WASL: variants seen among roughly 807,000 people sequenced by gnomAD.
WASL encodes the protein WASP like actin nucleation promoting factor.
A neutral mutation model predicts 55.5 loss-of-function variants in WASL; 20 were observed. The observed-to-expected ratio is 0.36, with a 90% CI of 0.25 to 0.52. The LOEUF is 0.52. Among genes scored for constraint, WASL ranks in the 20% least tolerant of loss-of-function variants. WASL has a pLI of 0.92. For synonymous variants in WASL, 249 were observed against 217.6 expected (o/e 1.14, Z -1.27); for missense variants, 504 against 622.5 (o/e 0.81, Z 2.03).
At chr7:123,732,444 T>G (rs1364438166) in intron 1 of WASL, among the ~76,000 whole-genome samples, 1 of 152,164 alleles carries the variant, frequency 6.6e-6, no homozygotes, top group Non-Finnish European at 1.5e-5. Flanking sequence ...CCTACAAATT[T>G]TAGTAATCTA....
chr7:123,737,341 T>C (rs1018916990), intron 1 of WASL, among the ~76,000 whole-genome samples: 3 of 152,068 alleles, frequency 2.0e-5, no homozygotes, highest in Non-Finnish European at 4.4e-5. Flanking sequence ...CTCACGCCTG[T>C]AATCCCAGCA....
intron 10 of WASL, among the ~76,000 whole-genome samples, chr7:123,685,990 G>C (rs10215466): frequency 6.7e-6 from 1 of 149,552 alleles, no homozygotes; most frequent in South Asian, 2.1e-4. Context: ...AGTAAGACTA[G>C]GTGACATACG....
intron 1 of WASL, among the ~76,000 whole-genome samples, chr7:123,734,442 A>G (rs890137722): frequency 1.3e-5 from 2 of 152,146 alleles, no homozygotes. Flanking sequence ...TAGCAAAACT[A>G]TTAAAATAAC....
chr7:123,687,143 C>T (rs527359025), intron 10 of WASL, among the ~76,000 whole-genome samples: 8 of 152,130 alleles, frequency 5.3e-5, no homozygotes, highest in African/African-American at 1.7e-4. Flanking sequence ...TTTCTTCAAC[C>T]TTCACTTTCA....
At chr7:123,687,407 C>T (rs1803310690) in intron 10 of WASL, among the ~76,000 whole-genome samples, 1 of 152,162 alleles carries the variant, frequency 6.6e-6, no homozygotes, top group Admixed American at 6.5e-5. Context: ...CTTTCCCTCC[C>T]TCCCTTGCAA....
chr7:123,686,754 G>C (rs951097917), intron 10 of WASL, among the ~76,000 whole-genome samples: 1 of 152,064 alleles, frequency 6.6e-6, no homozygotes, highest in Non-Finnish European at 1.5e-5. Flanking sequence ...GAGATTTTTA[G>C]ATCTCATTCC....
chr7:123,695,702 TA>T, intron 7 of WASL, 120 bp downstream of exon 7: 1 of 935,660 alleles, frequency 1.1e-6, no homozygotes, highest in Non-Finnish European at 1.6e-6. Context: ...TATACATACA[TA>T]AAACACAAGC....
chr7:123,694,891 A>C (rs1201345213), intron 7 of WASL, 23 bp from the exon 8 acceptor site: 1 of 1,587,394 alleles, frequency 6.3e-7, no homozygotes, highest in Non-Finnish European at 8.5e-7. Flanking sequence ...GTAACTGCTA[A>C]CTATAAAAAT....
Position 123,737,596 on chromosome 7 carries a change from C to CAA in WASL, c.117+11020_117+11021dup, listed in dbSNP as rs34669724. The stretch of plus-strand genomic sequence containing the variant: ...GGTGACAGAGCAAGACTCCGTCTCC[C>CAA]AAAAAAAAAAAAAAAAAAAGCATTT... On this transcript the variant is annotated intron_variant, in intron 1 of 10. Coordinates refer to ENST00000223023, the MANE Select transcript of WASL (RefSeq NM_003941.4). 2.4e-3 allele frequency among the ~76,000 whole-genome samples: 171 copies of CAA among 72,754 alleles called. 7 individuals are homozygous for CAA. The highest frequency in any genetic ancestry group is 8.2e-3 in the African/African-American group (152 of 18,502). The allele number at this position is 72,754 out of a possible 152,430, so 47.7% of individuals were successfully genotyped here.
intron 8 of WASL, among the ~76,000 whole-genome samples, chr7:123,693,632 C>T (rs1803448154): frequency 6.6e-6 from 1 of 152,144 alleles, no homozygotes; most frequent in African/African-American, 2.4e-5. Flanking sequence ...ATGATATTAG[C>T]ATTCTTATTC....
At chr7:123,746,526 T>C (rs889776658) in intron 1 of WASL, among the ~76,000 whole-genome samples, 2 of 152,222 alleles carry the variant, frequency 1.3e-5, no homozygotes, top group Non-Finnish European at 2.9e-5. Context: ...AATTAAAATA[T>C]CACTCTTACT....
At chr7:123,713,434 C>G (rs1405462681) in intron 1 of WASL, among the ~76,000 whole-genome samples, 1 of 152,052 alleles carries the variant, frequency 6.6e-6, no homozygotes, top group African/African-American at 2.4e-5. Context: ...ATTACAGATG[C>G]GAGCCACTGT....
At position 123,694,724 on chromosome 7, in the gene WASL, G is replaced by A. The variant is rs1410958376; in HGVS notation, c.817C>T (p.Arg273Trp). 5 of 1,612,088 alleles carry A rather than the reference G, an allele frequency of 3.1e-6. No homozygotes were observed. The highest frequency in any genetic ancestry group is 4.2e-6 in the Non-Finnish European group (5 of 1,179,230). ...TAGAGATAAAAGTTACCTTGCCTCC[G>A]CAGTTCATTTTTAACAGCTTCAACA... ...GGVEAVKNEL[R>W]RQAPPPPPPS... The change falls in exon 8 of 11, where the codon CGG (arginine) becomes TGG (tryptophan). Residue 273 changes from arginine to tryptophan, a missense_variant. Transcript: ENST00000223023.
At chr7:123,719,376 T>A (rs1490172679) in intron 1 of WASL, among the ~76,000 whole-genome samples, 1 of 152,150 alleles carries the variant, frequency 6.6e-6, no homozygotes, top group Non-Finnish European at 1.5e-5. Flanking sequence ...CCTCTCTGAC[T>A]CTCCTTTCAC....
chr7:123,702,779 CTA>C (rs2116782573), intron 5 of WASL, among the ~76,000 whole-genome samples: 1 of 152,286 alleles, frequency 6.6e-6, no homozygotes, highest in Non-Finnish European at 1.5e-5. Context: ...CATGCAAATA[CTA>C]TGTTGTTTGT....
At position 123,692,777 on chromosome 7, in the gene WASL, C is replaced by A; in HGVS notation, c.917G>T (p.Gly306Val). 6.8e-7 allele frequency: 1 copy of A among 1,472,724 alleles called. No individual in the cohort carries two copies. Among genetic ancestry groups the A allele is most frequent in the Non-Finnish European group, 9.0e-7 (1 of 1,112,308 alleles). The allele number at this position is 1,472,724 out of a possible 1,614,324, so 91.2% of individuals were successfully genotyped here. A position where few individuals can be genotyped will look rare whatever the true frequency, so the allele number is the denominator to read the frequency against. Residue 306 changes from glycine to valine, a missense_variant, in exon 9 of 11, where the codon GGA becomes GTA. Physicochemically the swap from Gly to Val is moderately radical, Grantham distance 109 (BLOSUM62 -3). Around this residue, in one of 5 missense-constraint regions of WASL, gnomAD observed 201 missense variants for 206.2 expected, o/e 0.97. Transcript: ENST00000223023. The part of the protein sequence containing the change: ...NSGPPPPPAR[G>V]RGAPPPPPSR... Reference sequence around the variant, plus strand: ...AGGTGGTGGGGGAGGAGCGCCTCTTCCCCTAGCAGGAGGAGGAGGAGGACC... The same window carrying A: ...AGGTGGTGGGGGAGGAGCGCCTCTTACCCTAGCAGGAGGAGGAGGAGGACC...
rs148712232 is a variant in WASL, at chr7:123,706,309, G to A, written c.404C>T (p.Thr135Ile). 30 of 1,613,506 alleles carry A rather than the reference G, an allele frequency of 1.9e-5. No individual in the cohort carries two copies. The highest frequency in any genetic ancestry group is 2.4e-5 in the Non-Finnish European group (28 of 1,179,764). ...EEAKKFRKAV[T>I]DLLGRRQRKS... ...CCTTTGTCGACGGCCCAAAAGGTCT[G>A]TAACTGCTTTTCGAAATTTTTTTGC... is the stretch of plus-strand genomic sequence containing the variant. The change falls in exon 4 of 11, where the codon ACA (threonine) becomes ATA (isoleucine). Residue 135 changes from threonine to isoleucine, a missense_variant. Thr to Ile is a moderately conservative substitution (Grantham distance 89). Transcript: ENST00000223023.
At chr7:123,713,810 C>G (rs938418023) in intron 1 of WASL, among the ~76,000 whole-genome samples, 2 of 152,184 alleles carry the variant, frequency 1.3e-5, no homozygotes, top group Admixed American at 1.3e-4. Context: ...ATCTTCTTCA[C>G]TAAATACAGT....
At chr7:123,685,968 T>C (rs1803281111) in intron 10 of WASL, among the ~76,000 whole-genome samples, 1 of 149,538 alleles carries the variant, frequency 6.7e-6, no homozygotes, top group Non-Finnish European at 1.5e-5. Context: ...TACTTGATAA[T>C]GATAAAAAGC....
Sources: gnomAD v4.1 joint callset for allele counts (sites outside exome capture counted in the v4.1 genomes callset) on GRCh38, gnomAD v4.1.1 for gene constraint, gnomAD v4.1.1 regional missense constraint, MANE v1.5 for transcripts, NCBI Gene and HGNC (gene_info 2026-07-23, HGNC 2026-07-21) for gene names.